Variants in CACNA1C observed in about 807,000 individuals in gnomAD.
CACNA1C encodes the protein voltage-dependent L-type calcium channel subunit alpha-1C.
A neutral mutation model predicts 229.0 loss-of-function variants in CACNA1C; 30 were observed. That is an observed-to-expected ratio of 0.13 (90% CI 0.10 to 0.18). The LOEUF (loss-of-function observed/expected upper bound fraction) is 0.18, where lower values mean the gene tolerates loss of function less well. CACNA1C is among the 10% of genes least tolerant of loss of function. The probability of loss-of-function intolerance (pLI) is 1.00; values close to 1 mark genes in which losing one functional copy is unlikely to be tolerated. For missense variants in CACNA1C, 1,658 were observed against 2,845.0 expected (o/e 0.58, Z 9.49); for synonymous variants, 1,114 against 1,132.5 (o/e 0.98, Z 0.33).
Position 2,585,694 on chromosome 12 carries a change from C to G in CACNA1C, c.2461-141C>G. On this transcript the variant is annotated intron_variant, in intron 17 of 46. Coordinates refer to ENST00000399655, the MANE Select transcript of CACNA1C (RefSeq NM_000719.7). The surrounding 1 kb of genome is among the most constrained non-coding windows in gnomAD (Gnocchi z 4.1). Reference sequence around the variant, plus strand: ...CTGGATCCCAGCCATCTGCTGATGTCTTGAAGGAGATATGCAAAGTGACAA... The same window carrying G: ...CTGGATCCCAGCCATCTGCTGATGTGTTGAAGGAGATATGCAAAGTGACAA... 1.1e-6 allele frequency: 1 copy of G among 883,812 alleles called. No homozygotes were observed. Among genetic ancestry groups the G allele is most frequent in the Non-Finnish European group, 1.8e-6 (1 of 546,066 alleles). The allele number at this position is 883,812 out of a possible 1,614,324, so 54.7% of individuals were successfully genotyped here.
chr12:2,363,583 C>G (rs1438164783), intron 3 of CACNA1C, among the ~76,000 whole-genome samples: 3 of 152,274 alleles, frequency 2.0e-5, no homozygotes, highest in Non-Finnish European at 4.4e-5. Context: ...CAGTGCCCAC[C>G]CCACCCCAGC....
At chr12:2,307,723 C>T (rs1490512194) in intron 3 of CACNA1C, among the ~76,000 whole-genome samples, 1 of 152,158 alleles carries the variant, frequency 6.6e-6, no homozygotes, top group African/African-American at 2.4e-5. Context: ...CTCTCAGGTG[C>T]ATTTGAATTT....
chr12:2,666,642 C>A lies in CACNA1C; in HGVS notation c.4527-44C>A. The A allele has an allele frequency of 8.4e-6, 11 of 1,312,664 alleles. No homozygotes were observed. The highest frequency in any genetic ancestry group is 1.2e-5 in the Non-Finnish European group (11 of 927,736). The allele number at this position is 1,312,664 out of a possible 1,614,324, so 81.3% of individuals were successfully genotyped here. On this transcript the variant is annotated intron_variant, in intron 36 of 46. Coordinates refer to ENST00000399655, the MANE Select transcript of CACNA1C (RefSeq NM_000719.7). The surrounding 1 kb of genome is among the most constrained non-coding windows in gnomAD (Gnocchi z 5.3). ...TGCGTCCTGGGCTGCTGGCAGAGAC[C>A]GTGGCTCTCTGATGCCCTGTCCCTC... is the stretch of plus-strand genomic sequence containing the variant.
At chr12:2,517,528 G>T (rs2099799703) in intron 9 of CACNA1C, among the ~76,000 whole-genome samples, 1 of 152,222 alleles carries the variant, frequency 6.6e-6, no homozygotes, top group Admixed American at 6.5e-5. Context: ...GCAAGAAAGG[G>T]GCATGTTTAT....
chr12:2,550,761 G>A (rs747307448), intron 10 of CACNA1C: 41 of 976,878 alleles, frequency 4.2e-5, no homozygotes, highest in South Asian at 7.2e-5. Context: ...CTGGGCAAGC[G>A]CAGCCCTTTC....
intron 3 of CACNA1C, among the ~76,000 whole-genome samples, chr12:2,386,041 C>T (rs1482020943): frequency 2.0e-5 from 3 of 152,210 alleles, no homozygotes; most frequent in East Asian, 1.9e-4. Context: ...TCAGGTTTGC[C>T]TGATGCCTTT....
chr12:2,118,010 G>A (rs2084779046), intron 2 of CACNA1C, among the ~76,000 whole-genome samples: 1 of 152,226 alleles, frequency 6.6e-6, no homozygotes, highest in South Asian at 2.1e-4. Context: ...GCCTCAAAAG[G>A]CGACACAGAG....
intron 3 of CACNA1C, among the ~76,000 whole-genome samples, chr12:2,442,087 T>C (rs1191270158): frequency 2.0e-5 from 3 of 152,216 alleles, no homozygotes; most frequent in East Asian, 3.8e-4. Flanking sequence ...AGAATCAAAA[T>C]TATTACCATC....
At chr12:2,609,360 T>C (rs74053878) in intron 27 of CACNA1C, among the ~76,000 whole-genome samples, 4,796 of 151,932 alleles carry the variant, frequency 0.032, 270 homozygotes, top group African/African-American at 0.11. Context: ...CACATCCCTG[T>C]CTGTGAATAA....
intron 1 of CACNA1C, among the ~76,000 whole-genome samples, chr12:1,984,448 T>TA (rs988585975): frequency 1.1e-4 from 17 of 152,054 alleles, no homozygotes; most frequent in African/African-American, 3.9e-4. Context: ...AGTCTATACT[T>TA]AGAGTTTTTC....
rs893434204 is a variant in CACNA1C at position 2,146,238 on chromosome 12, T to A, written c.477+25808T>A. ...GACAAGAACCAGTTTGAGAAGCAGG[T>A]AATGGTAGTTGAGAGAAGGGATAGA... On this transcript the variant is annotated intron_variant, in intron 3 of 46. Transcript: ENST00000399655. Among the ~76,000 whole-genome samples, 12 of 150,894 alleles carry A rather than the reference T, an allele frequency of 8.0e-5. 1 individual carries two copies. Among genetic ancestry groups the A allele is most frequent in the Admixed American group, 3.3e-4 (5 of 14,972 alleles).
chr12:2,450,394 A>C (rs575410740), intron 4 of CACNA1C, among the ~76,000 whole-genome samples: 2 of 151,728 alleles, frequency 1.3e-5, no homozygotes, highest in African/African-American at 4.8e-5. Context: ...CTCTACTAAA[A>C]ATACAAAAAC....
At chr12:2,569,419 T>C (rs951121337) in intron 13 of CACNA1C, among the ~76,000 whole-genome samples, 3 of 152,232 alleles carry the variant, frequency 2.0e-5, no homozygotes, top group Non-Finnish European at 4.4e-5. Flanking sequence ...TAGAACATTT[T>C]CATCACCCCA....
intron 3 of CACNA1C, among the ~76,000 whole-genome samples, chr12:2,166,815 C>T (rs1440894216): frequency 1.3e-5 from 2 of 152,172 alleles, no homozygotes; most frequent in African/African-American, 4.8e-5. Context: ...ATAAGACTCA[C>T]CTTGGGAAAA....
rs377542492 is a variant in CACNA1C, at chr12:2,241,885, C to T, written c.477+121455C>T. Among the ~76,000 whole-genome samples the T allele has an allele frequency of 7.2e-5, 11 of 152,296 alleles. No individual in the cohort carries two copies. In the East Asian group the frequency reaches 1.5e-3, roughly 21 times the overall value. On this transcript the variant is annotated intron_variant, in intron 3 of 46. Coordinates refer to ENST00000399655, the MANE Select transcript of CACNA1C (RefSeq NM_000719.7). Reference sequence around the variant, plus strand: ...CAGTAAATTTTTGAATGAATGAGTTCGCAAGGCGTTTCTCCTGGTTCTTGC... The same window carrying T: ...CAGTAAATTTTTGAATGAATGAGTTTGCAAGGCGTTTCTCCTGGTTCTTGC...
At chr12:2,394,200 G>A (rs949378295) in intron 3 of CACNA1C, among the ~76,000 whole-genome samples, 1 of 152,006 alleles carries the variant, frequency 6.6e-6, no homozygotes, top group Non-Finnish European at 1.5e-5. Flanking sequence ...GGGCCAGGCG[G>A]AGGCCTGTCG....
At chr12:2,676,929 C>CTT (rs1019809188) in intron 39 of CACNA1C, 165 bp from the exon 40 acceptor site, 1 of 578,860 alleles carries the variant, frequency 1.7e-6, no homozygotes, top group African/African-American at 1.9e-5. Flanking sequence ...GACCATAAGC[C>CTT]TTTTTATGGT....
At chr12:2,628,241 C>T (rs866092563) in intron 29 of CACNA1C, among the ~76,000 whole-genome samples, 77 of 152,310 alleles carry the variant, frequency 5.1e-4, no homozygotes, top group African/African-American at 1.7e-3. Flanking sequence ...CGCAGCTCTC[C>T]TGTAACAGAC....
At chr12:2,256,262 T>C (rs935884182) in intron 3 of CACNA1C, among the ~76,000 whole-genome samples, 1 of 152,180 alleles carries the variant, frequency 6.6e-6, no homozygotes, top group African/African-American at 2.4e-5. Context: ...ACATATTAAA[T>C]TTTGAGAACT....
Sources: gnomAD v4.1 joint callset for allele counts (sites outside exome capture counted in the v4.1 genomes callset) on GRCh38, gnomAD v4.1.1 for gene constraint, Gnocchi (gnomAD v3.1) non-coding constraint, MANE v1.5 for transcripts, NCBI Gene and HGNC (gene_info 2026-07-23, HGNC 2026-07-21) for gene names.